The following CSMD1 variants were observed in gnomAD, a reference collection of about 807,000 sequenced individuals.
CSMD1 encodes the protein CUB and sushi domain-containing protein 1.
Under a neutral mutation model 417.5 loss-of-function variants are expected in CSMD1, and 213 were observed. The ratio of observed to expected loss-of-function variants is 0.51; its 90% confidence interval spans 0.46 to 0.57. CSMD1 has a LOEUF of 0.57. CSMD1 is among the 20% of genes least tolerant of loss of function. The pLI is 0.00. For synonymous variants in CSMD1, 2,862 were observed against 1,736.8 expected (o/e 1.65, Z -16.11); for missense variants, 6,923 against 4,529.7 (o/e 1.53, Z -15.17).
intron 1 of CSMD1, among the ~76,000 whole-genome samples, chr8:4,692,922 G>A (rs1307847485): frequency 6.6e-6 from 1 of 152,164 alleles, no homozygotes; most frequent in Non-Finnish European, 1.5e-5. Flanking sequence ...CAGATTCCCA[G>A]TTTTGCCTCA....
intron 11 of CSMD1, among the ~76,000 whole-genome samples, chr8:3,493,163 A>G (rs1796206376): frequency 6.6e-6 from 1 of 151,876 alleles, no homozygotes; most frequent in Non-Finnish European, 1.5e-5. Context: ...GCATGATGGC[A>G]CACACCTGTA....
chr8:4,746,018 C>G (rs767731618), intron 1 of CSMD1, among the ~76,000 whole-genome samples: 1 of 152,204 alleles, frequency 6.6e-6, no homozygotes, highest in Non-Finnish European at 1.5e-5. Flanking sequence ...ATCTTCTAAA[C>G]TGTAAAATAT....
At chr8:4,632,678 G>C (rs955102023) in intron 2 of CSMD1, among the ~76,000 whole-genome samples, 2 of 152,200 alleles carry the variant, frequency 1.3e-5, no homozygotes, top group Admixed American at 1.3e-4. Context: ...GGGCAGGTGT[G>C]AGTTCAAAGG....
chr8:2,950,157 C>T lies in CSMD1; in HGVS notation c.10314+74G>A, dbSNP rs952269916. On this transcript the variant is annotated intron_variant, in intron 67 of 69. Transcript: ENST00000635120. ...CAGCTCTACTCAGAAGCCTCCAATC[C>T]GTAGCCCTTGCATCTGCACAGAGAG... is the stretch of plus-strand genomic sequence containing the variant. The T allele has an allele frequency of 3.0e-5, 29 of 979,586 alleles. 1 individual carries two copies. Among genetic ancestry groups the T allele is most frequent in the Middle Eastern group, 4.3e-4 (2 of 4,674 alleles). The allele number at this position is 979,586 out of a possible 1,614,324, so 60.7% of individuals were successfully genotyped here.
intron 1 of CSMD1, among the ~76,000 whole-genome samples, chr8:4,965,083 T>C (rs763616617): frequency 6.6e-6 from 1 of 152,212 alleles, no homozygotes; most frequent in African/African-American, 2.4e-5. Flanking sequence ...AAAATCTCTA[T>C]TGTAGGCAAA....
intron 3 of CSMD1, among the ~76,000 whole-genome samples, chr8:4,099,786 A>G (rs563129799): frequency 6.6e-6 from 1 of 152,260 alleles, no homozygotes; most frequent in South Asian, 2.1e-4. Context: ...TTCCCTTATG[A>G]TAGTACTGGG....
At chr8:3,018,255 G>A (rs1055014405) in intron 52 of CSMD1, among the ~76,000 whole-genome samples, 1 of 152,134 alleles carries the variant, frequency 6.6e-6, no homozygotes, top group African/African-American at 2.4e-5. Flanking sequence ...TTGCAAGATT[G>A]CCTTTATGGC....
chr8:2,940,535 T>TG (rs1243070623), intron 69 of CSMD1, among the ~76,000 whole-genome samples: 3 of 152,182 alleles, frequency 2.0e-5, no homozygotes, highest in Admixed American at 6.5e-5. Context: ...CTCTGTAATC[T>TG]GAGATCTCTT....
intron 1 of CSMD1, among the ~76,000 whole-genome samples, chr8:4,753,624 C>A (rs532586072): frequency 2.0e-5 from 3 of 152,222 alleles, no homozygotes; most frequent in African/African-American, 7.2e-5. Context: ...AGGCGTCTCA[C>A]TGTTCCGCAG....
At chr8:4,023,302 T>G (rs956270151) in intron 4 of CSMD1, among the ~76,000 whole-genome samples, 10 of 152,220 alleles carry the variant, frequency 6.6e-5, no homozygotes, top group African/African-American at 2.4e-4. Flanking sequence ...ATTTTGAATT[T>G]AACTTGAGCA....
In CSMD1 at chr8:3,762,143, A is replaced by G. The variant is rs186928733; in HGVS notation, c.819-8101T>C. 1.4e-3 allele frequency among the ~76,000 whole-genome samples: 211 copies of G among 152,174 alleles called. 1 individual carries two copies. Among genetic ancestry groups the G allele is most frequent in the Admixed American group, 6.5e-3 (99 of 15,286 alleles). On this transcript the variant is annotated intron_variant, in intron 5 of 69. Transcript: ENST00000635120. The stretch of plus-strand genomic sequence containing the variant: ...TGCTTTCCAGCCTCTTCAGGTGCAC[A>G]TCGCCCCCATCCCCTGCTTTCTACA...
intron 3 of CSMD1, among the ~76,000 whole-genome samples, chr8:4,146,656 G>C (rs1412881971): frequency 8.3e-6 from 1 of 120,206 alleles, no homozygotes; most frequent in African/African-American, 3.3e-5. Context: ...CCGTCCCCCA[G>C]GCTGGAGCGC....
At chr8:4,191,542 G>A (rs1224959893) in intron 3 of CSMD1, among the ~76,000 whole-genome samples, 1 of 152,128 alleles carries the variant, frequency 6.6e-6, no homozygotes, top group Non-Finnish European at 1.5e-5. Context: ...TGTCTCATCT[G>A]AACTACAACT....
At chr8:3,323,895 C>T (rs1247805095) in intron 23 of CSMD1, among the ~76,000 whole-genome samples, 6 of 146,516 alleles carry the variant, frequency 4.1e-5, no homozygotes, top group Middle Eastern at 3.8e-3. Context: ...TTTCCTTCAC[C>T]CCACCTTTCA....
intron 5 of CSMD1, among the ~76,000 whole-genome samples, chr8:3,810,855 G>C (rs1801028211): frequency 6.6e-6 from 1 of 152,062 alleles, no homozygotes; most frequent in Non-Finnish European, 1.5e-5. Flanking sequence ...TGATCTTTAG[G>C]CTCCTGTTCA....
Position 4,421,242 on chromosome 8 carries a change from G to C in CSMD1, c.303-1177C>G, listed in dbSNP as rs577704811. On this transcript the variant is annotated intron_variant, in intron 2 of 69. Transcript: ENST00000635120. ...GTGAAGCAAACGTTGCTTTAAGAAA[G>C]GAAAAACAAAAAACAAAAAACAGTG... 5.3e-5 allele frequency among the ~76,000 whole-genome samples: 8 copies of C among 152,000 alleles called. No individual in the cohort carries two copies. In the South Asian group the frequency reaches 1.5e-3, roughly 28 times the overall value.
intron 1 of CSMD1, among the ~76,000 whole-genome samples, chr8:4,916,350 C>A (rs1806068020): frequency 1.3e-5 from 2 of 152,106 alleles, no homozygotes; most frequent in Non-Finnish European, 2.9e-5. Context: ...TTAAATATGG[C>A]AAAACCCTTT....
intron 1 of CSMD1, among the ~76,000 whole-genome samples, chr8:4,661,696 T>C (rs904797658): frequency 2.6e-5 from 4 of 152,154 alleles, no homozygotes; most frequent in African/African-American, 9.7e-5. Flanking sequence ...CATGGGAATG[T>C]AAAAAAGTCC....
chr8:3,683,228 A>G (rs1799759284), intron 7 of CSMD1, among the ~76,000 whole-genome samples: 1 of 151,546 alleles, frequency 6.6e-6, no homozygotes. Flanking sequence ...TTAAAAAATA[A>G]AATAATAAAA....
Sources: gnomAD v4.1 joint callset for allele counts (sites outside exome capture counted in the v4.1 genomes callset) on GRCh38, gnomAD v4.1.1 for gene constraint, MANE v1.5 for transcripts, NCBI Gene and HGNC (gene_info 2026-07-23, HGNC 2026-07-21) for gene names.